The following SOX6 variants were observed in gnomAD, a reference collection of about 807,000 sequenced individuals.
SOX6 encodes the protein transcription factor SOX-6.
A neutral mutation model predicts 97.8 loss-of-function variants in SOX6; 11 were observed. The ratio of observed to expected loss-of-function variants is 0.11; its 90% confidence interval spans 0.07 to 0.19. SOX6 has a LOEUF of 0.19. Among genes scored for constraint, SOX6 ranks in the 10% least tolerant of loss-of-function variants. The pLI, the probability that SOX6 is intolerant of heterozygous loss-of-function variation, is 1.00. For synonymous variants in SOX6, 360 were observed against 371.4 expected (o/e 0.97, Z 0.35); for missense variants, 810 against 1,039.5 (o/e 0.78, Z 3.04).
At chr11:16,612,553 C>T (rs530995620) in intron 3 of SOX6, among the ~76,000 whole-genome samples, 33 of 142,386 alleles carry the variant, frequency 2.3e-4, no homozygotes, top group Non-Finnish European at 3.8e-4. Context: ...GAAGGGTACT[C>T]ACTTCTTTTT....
intron 13 of SOX6, among the ~76,000 whole-genome samples, chr11:16,006,019 T>C (rs2133851239): frequency 6.6e-6 from 1 of 152,092 alleles, no homozygotes; most frequent in East Asian, 1.9e-4. Flanking sequence ...GACTGATCTG[T>C]AAGGCATCGA....
intron 4 of SOX6, among the ~76,000 whole-genome samples, chr11:16,226,725 C>T (rs966395003): frequency 1.7e-5 from 1 of 57,844 alleles, no homozygotes; most frequent in Non-Finnish European, 3.7e-5. Flanking sequence ...TGTATCCTTC[C>T]ACCATATTTC....
intron 1 of SOX6, among the ~76,000 whole-genome samples, chr11:16,398,196 A>G (rs1858419250): frequency 6.6e-6 from 1 of 151,622 alleles, no homozygotes. Context: ...CTGCTCTAGG[A>G]TCAGCTTAAG....
At chr11:16,363,419 A>C (rs1590159947) in intron 1 of SOX6, among the ~76,000 whole-genome samples, 1 of 152,242 alleles carries the variant, frequency 6.6e-6, no homozygotes, top group Admixed American at 6.5e-5. Flanking sequence ...GGGATGTTCA[A>C]TCCAATATCT....
intron 3 of SOX6, chr11:16,312,967 T>G (rs1417004156): frequency 6.6e-6 from 1 of 152,190 alleles, no homozygotes; most frequent in East Asian, 1.9e-4. Context: ...AATCCATCTA[T>G]GGATCTGTCT....
intron 4 of SOX6, among the ~76,000 whole-genome samples, chr11:16,507,690 G>A (rs1256686361): frequency 3.3e-5 from 5 of 152,264 alleles, no homozygotes; most frequent in African/African-American, 1.2e-4. Flanking sequence ...TAGAAATGAT[G>A]CTGGGAAAAT....
At chr11:16,470,148 TA>T (rs1274039923) in intron 1 of SOX6, among the ~76,000 whole-genome samples, 1 of 152,138 alleles carries the variant, frequency 6.6e-6, no homozygotes, top group African/African-American at 2.4e-5. Flanking sequence ...GGCACAATTT[TA>T]AATTCCTTAC....
intron 1 of SOX6, among the ~76,000 whole-genome samples, chr11:16,462,998 G>A (rs1590213072): frequency 2.0e-5 from 3 of 152,306 alleles, no homozygotes; most frequent in South Asian, 4.1e-4. Context: ...GGACTAGGCA[G>A]GCCTTTTTCA....
At chr11:16,417,218 T>C (rs924561585) in intron 1 of SOX6, among the ~76,000 whole-genome samples, 1 of 152,174 alleles carries the variant, frequency 6.6e-6, no homozygotes, top group Admixed American at 6.5e-5. Flanking sequence ...GCAACACATT[T>C]ACTTTGGGTT....
chr11:16,015,010 C>T lies in SOX6; in HGVS notation c.1664G>A (p.Gly555Glu), dbSNP rs1201968149. The T allele has an allele frequency of 1.2e-6, 2 of 1,612,864 alleles. No individual in the cohort carries two copies. Among genetic ancestry groups the T allele is most frequent in the East Asian group, 2.2e-5 (1 of 44,820 alleles). ...RFENLGPQLT[G>E]KSNEDGKLGP... ...CAGTTTTCCATCTTCATTTGACTTTCCCGTTAACTGGGGCCCCAAATTCTC... is the reference window on the plus strand; with the variant it reads ...CAGTTTTCCATCTTCATTTGACTTTTCCGTTAACTGGGGCCCCAAATTCTC... Residue 555 changes from glycine to glutamate, a missense_variant, in exon 13 of 16, where the codon GGA becomes GAA. By Grantham distance (98) the Gly-to-Glu change is moderately conservative. This residue lies in a region of SOX6 where 120 missense variants were observed against 127.0 expected (regional missense o/e 0.94). Transcript: ENST00000683767.
At chr11:16,437,220 G>C (rs989542704) in intron 1 of SOX6, among the ~76,000 whole-genome samples, 10 of 151,820 alleles carry the variant, frequency 6.6e-5, no homozygotes, top group African/African-American at 2.4e-4. Context: ...AGGGAGCCAT[G>C]ATTGTGCCAC....
At chr11:16,352,125 A>G (rs1856962360) in intron 1 of SOX6, among the ~76,000 whole-genome samples, 1 of 152,118 alleles carries the variant, frequency 6.6e-6, no homozygotes, top group Non-Finnish European at 1.5e-5. Flanking sequence ...CACTCTGGAC[A>G]ATAAATTCAC....
At chr11:16,560,776 G>A (rs1847806711) in intron 4 of SOX6, among the ~76,000 whole-genome samples, 2 of 152,138 alleles carry the variant, frequency 1.3e-5, no homozygotes, top group South Asian at 4.1e-4. Flanking sequence ...CTGGAAGGAA[G>A]GAAGGTAAGA....
intron 9 of SOX6, among the ~76,000 whole-genome samples, chr11:16,070,203 C>G (rs943990397): frequency 6.6e-6 from 1 of 151,748 alleles, no homozygotes; most frequent in African/African-American, 2.4e-5. Context: ...GAATAGTTTC[C>G]CTAGCTAAAG....
chr11:16,040,245 T>C (rs1207584099), intron 12 of SOX6, among the ~76,000 whole-genome samples: 1 of 152,058 alleles, frequency 6.6e-6, no homozygotes, highest in Non-Finnish European at 1.5e-5. Context: ...TACACTTATA[T>C]ATAAATTCTC....
intron 6 of SOX6, among the ~76,000 whole-genome samples, chr11:16,132,272 AAGGAAG>A (rs1564971734): frequency 7.0e-4 from 7 of 9,980 alleles, no homozygotes; most frequent in South Asian, 6.0e-3. Flanking sequence ...AGAAAGAAGG[AAGGAAG>A]GAAGGAAGGA....
rs953353783 is a variant in SOX6, at chr11:16,658,818, T to A, written n.430-46558A>T. ...TATGAAAGCCCTAAAATTAATCCTATTTCTAATTGGAAAAATGTTTAAATT... is the reference window on the plus strand; with the variant it reads ...TATGAAAGCCCTAAAATTAATCCTAATTCTAATTGGAAAAATGTTTAAATT... On this transcript the variant is annotated intron_variant and non_coding_transcript_variant, in intron 3 of 5. Transcript: ENST00000524520. Among the ~76,000 whole-genome samples, 9 of 152,228 alleles carry A rather than the reference T, an allele frequency of 5.9e-5. No individual in the cohort carries two copies. In the South Asian group the frequency reaches 1.9e-3, roughly 31 times the overall value.
intron 4 of SOX6, among the ~76,000 whole-genome samples, chr11:16,559,198 A>G (rs1217910263): frequency 6.6e-6 from 1 of 152,084 alleles, no homozygotes; most frequent in Non-Finnish European, 1.5e-5. Context: ...AATCTCCTTT[A>G]ATCAATAAAA....
chr11:16,542,366 T>C (rs1305251324), intron 4 of SOX6, among the ~76,000 whole-genome samples: 3 of 152,098 alleles, frequency 2.0e-5, no homozygotes, highest in Non-Finnish European at 4.4e-5. Flanking sequence ...CTAATGTAAA[T>C]GACAAGTTGA....
Sources: allele counts gnomAD v4.1 joint callset (sites outside exome capture counted in the v4.1 genomes callset), GRCh38; gene constraint gnomAD v4.1.1; regional missense constraint gnomAD v4.1.1; transcripts MANE v1.5; gene names NCBI Gene and HGNC (gene_info 2026-07-23, HGNC 2026-07-21).